The following PPP2R3A variants were observed in gnomAD, a reference collection of about 807,000 sequenced individuals.
PPP2R3A encodes the protein protein phosphatase 2 regulatory subunit B''alpha.
Under a neutral mutation model 106.9 loss-of-function variants are expected in PPP2R3A, and 80 were observed. The ratio of observed to expected loss-of-function variants is 0.75; its 90% CI spans 0.62 to 0.90. The LOEUF is 0.90. Among genes scored for constraint, PPP2R3A ranks in the 40% least tolerant of loss-of-function variants. The pLI is 0.00. For missense variants in PPP2R3A, 1,386 were observed against 1,350.4 expected, an observed-to-expected ratio of 1.03 and a Z score of -0.41; for synonymous variants, 483 against 468.3, an observed-to-expected ratio of 1.03 and a Z score of -0.41.
intron 3 of PPP2R3A, among the ~76,000 whole-genome samples, chr3:136,029,652 A>G (rs1358975291): frequency 2.0e-5 from 3 of 152,244 alleles, no homozygotes; most frequent in African/African-American, 7.2e-5. Flanking sequence ...AAGTTTAAAA[A>G]GATAGAAAAC....
chr3:136,030,417 A>G (rs750671438), intron 3 of PPP2R3A, among the ~76,000 whole-genome samples: 12 of 151,322 alleles, frequency 7.9e-5, no homozygotes, highest in East Asian at 1.9e-4. Context: ...TTTTATTTCC[A>G]TGGTTTGTTG....
chr3:136,009,684 G>A (rs1444603718), intron 2 of PPP2R3A, among the ~76,000 whole-genome samples: 1 of 152,058 alleles, frequency 6.6e-6, no homozygotes, highest in South Asian at 2.1e-4. Context: ...GAAACTCTGG[G>A]GGTAGGGCTC....
At chr3:136,083,008 C>T (rs1936828348) in intron 8 of PPP2R3A, among the ~76,000 whole-genome samples, 1 of 152,126 alleles carries the variant, frequency 6.6e-6, no homozygotes, top group Admixed American at 6.6e-5. Context: ...CTGTTGCCTA[C>T]TGATTTAATA....
At position 136,070,478 on chromosome 3, in the gene PPP2R3A, G is replaced by T; in HGVS notation, c.2470G>T (p.Asp824Tyr). 2 of 1,595,230 alleles carry T rather than the reference G, an allele frequency of 1.3e-6. No homozygotes were observed. The highest frequency in any genetic ancestry group is 1.8e-5 in the Admixed American group (1 of 55,336). Residue 824 changes from aspartate (D) to tyrosine (Y), a missense_variant and splice_region_variant, in exon 6 of 14, where the codon GAT becomes TAT. By Grantham distance (160) the Asp-to-Tyr change is radical. Coordinates refer to ENST00000264977, the MANE Select transcript of PPP2R3A (RefSeq NM_002718.5). ...TAGTTTTGGTTTTGATCTTTTTCAG[G>T]ATGTGGTGGATACCCACCCTGGTCT... is the stretch of plus-strand genomic sequence containing the variant. ...EQEDFIPLLQ[D>Y]VVDTHPGLTF...
At position 136,030,761 on chromosome 3, in the gene PPP2R3A, CATATAT is replaced by C. The variant is rs374923726; in HGVS notation, c.2262+3678_2262+3683del. On this transcript the variant is annotated intron_variant, in intron 3 of 13. Coordinates refer to ENST00000264977, the MANE Select transcript of PPP2R3A (RefSeq NM_002718.5). ...TTTATGGCTGAGTAGTATTCCATCA[CATATAT>C]ATATATATATATATGTATGTATGTA... Among the ~76,000 whole-genome samples the C allele has an allele frequency of 8.2e-4, 82 of 100,382 alleles. No homozygotes were observed. The Middle Eastern group carries it at 0.014, about 17-fold the overall frequency. The allele number at this position is 100,382 out of a possible 152,430, so 65.9% of individuals were successfully genotyped here.
rs921637118 is a variant in PPP2R3A, at chr3:136,001,083, T to G, written c.-416T>G. On this transcript the variant is annotated 5_prime_UTR_variant, in exon 2 of 14. It removes an upstream start codon present in the reference 5' UTR. Coordinates refer to ENST00000264977, the MANE Select transcript of PPP2R3A (RefSeq NM_002718.5). ...GGTTTCTCTGTCATTCACAGAAAAA[T>G]GAATCATTTAAACCTTTGGAGGACT... 10 of 397,872 alleles carry G rather than the reference T, an allele frequency of 2.5e-5. No homozygotes were observed. Among genetic ancestry groups the G allele is most frequent in the Admixed American group, 2.2e-4 (5 of 22,696 alleles). The allele number at this position is 397,872 out of a possible 1,614,324, so 24.6% of individuals were successfully genotyped here.
intron 13 of PPP2R3A, among the ~76,000 whole-genome samples, chr3:136,107,083 T>C (rs184804284): frequency 6.6e-6 from 1 of 152,208 alleles, no homozygotes; most frequent in East Asian, 1.9e-4. Flanking sequence ...AAAGGGACCA[T>C]GTTAAGAAAT....
chr3:136,090,696 A>G lies in PPP2R3A; in HGVS notation c.2927+29A>G, dbSNP rs77165848. On this transcript the variant is annotated intron_variant, in intron 10 of 13. Coordinates refer to ENST00000264977, the MANE Select transcript of PPP2R3A (RefSeq NM_002718.5). Reference sequence around the variant, plus strand: ...TGATTTCTAAGTTTCCTTTGCCAAGATGTTAAACACATGCACAAAGCTTGA... The same window carrying G: ...TGATTTCTAAGTTTCCTTTGCCAAGGTGTTAAACACATGCACAAAGCTTGA... 260 of 1,565,262 alleles carry G rather than the reference A, an allele frequency of 1.7e-4. No homozygotes were observed. In the African/African-American group the frequency reaches 3.0e-3, roughly 18 times the overall value.
chr3:136,115,289 G>A (rs2107990261), intron 13 of PPP2R3A, among the ~76,000 whole-genome samples: 1 of 152,272 alleles, frequency 6.6e-6, no homozygotes, highest in East Asian at 1.9e-4. Flanking sequence ...CAAAGATGGG[G>A]AGAAACTAGT....
chr3:136,131,876 G>A (rs1297615499), intron 13 of PPP2R3A, among the ~76,000 whole-genome samples: 2 of 152,094 alleles, frequency 1.3e-5, no homozygotes, highest in Admixed American at 6.6e-5. Flanking sequence ...CATGGATGAA[G>A]CCGAAAACCA....
chr3:135,989,364 A>G (rs1027815516), intron 1 of PPP2R3A, among the ~76,000 whole-genome samples: 22 of 152,300 alleles, frequency 1.4e-4, no homozygotes, highest in Admixed American at 1.4e-3. Flanking sequence ...GTGAATGATC[A>G]TTAGAATGAG....
chr3:136,117,422 C>T lies in PPP2R3A; in HGVS notation c.3329+11100C>T, dbSNP rs531929907. The stretch of plus-strand genomic sequence containing the variant: ...AGAGATAGAGACATGAAAAGCCCTT[C>T]GAAAAATCAATGAATCCAGGAGCTG... On this transcript the variant is annotated intron_variant, in intron 13 of 13. Coordinates refer to ENST00000264977, the MANE Select transcript of PPP2R3A (RefSeq NM_002718.5). 3.3e-5 allele frequency among the ~76,000 whole-genome samples: 5 copies of T among 151,998 alleles called. No individual in the cohort carries two copies. The East Asian group carries it at 5.8e-4, about 18-fold the overall frequency.
chr3:136,040,849 C>G lies in PPP2R3A; in HGVS notation c.2263-10C>G. The G allele has an allele frequency of 6.2e-7, 1 of 1,607,708 alleles. No homozygotes were observed. ...TGTTGGCTTACCCTGTATGTGTTTT[C>G]TATTTGCAGGTCTGTGGCTGTCCTC... On this transcript the variant is annotated splice_polypyrimidine_tract_variant and intron_variant, in intron 3 of 13. Coordinates refer to ENST00000264977, the MANE Select transcript of PPP2R3A (RefSeq NM_002718.5).
At chr3:136,055,304 G>T in intron 5 of PPP2R3A, 1 of 896,418 alleles carries the variant, frequency 1.1e-6, no homozygotes, top group Non-Finnish European at 1.9e-6. Context: ...GTTGGTGAAA[G>T]GAATCAACAT....
At chr3:135,982,193 C>G (rs1224593664) in intron 1 of PPP2R3A, among the ~76,000 whole-genome samples, 2 of 151,792 alleles carry the variant, frequency 1.3e-5, no homozygotes, top group East Asian at 1.9e-4. Context: ...GGCAGTTGGC[C>G]ATTCCACTTT....
intron 13 of PPP2R3A, among the ~76,000 whole-genome samples, chr3:136,123,020 A>G (rs1189687912): frequency 6.6e-6 from 1 of 152,220 alleles, no homozygotes. Context: ...TTTAATGGAT[A>G]AAGGGTTTTA....
Position 136,145,213 on chromosome 3 carries a change from TTTC to T in PPP2R3A, c.*50_*52del. 1 of 1,568,810 alleles carries T rather than the reference TTTC, an allele frequency of 6.4e-7. No individual in the cohort carries two copies. Among genetic ancestry groups the T allele is most frequent in the Middle Eastern group, 1.7e-4 (1 of 5,806 alleles). ...CGAAGATGTGTATTTTAAATGTTTCTTTCTTGTGAAGAGATGTTCTCGTTTGCA... is the reference window on the plus strand; with the variant it reads ...CGAAGATGTGTATTTTAAATGTTTCTTTGTGAAGAGATGTTCTCGTTTGCA... On this transcript the variant is annotated 3_prime_UTR_variant, in exon 14 of 14. Transcript: ENST00000264977.
intron 4 of PPP2R3A, among the ~76,000 whole-genome samples, chr3:136,045,703 C>G (rs1263945118): frequency 2.0e-5 from 3 of 152,176 alleles, no homozygotes; most frequent in Admixed American, 6.5e-5. Context: ...TCACCCTACC[C>G]AGGGATCCCT....
chr3:136,145,090 G>C lies in PPP2R3A; in HGVS notation c.3377G>C (p.Gly1126Ala), dbSNP rs377559140. The change falls in exon 14 of 14, where the codon GGA becomes GCA. Residue 1126 changes from glycine (G) to alanine (A), a missense_variant. By Grantham distance (60) the Gly-to-Ala change is moderately conservative. Transcript: ENST00000264977. ...TDEPASPSEF[G>A]NKSNKILSAS... is the part of the protein sequence containing the mutation. The stretch of plus-strand genomic sequence containing the variant: ...GAACCTGCCTCTCCCTCTGAATTTG[G>C]AAACAAAAGCAATAAAATATTAAGT... The C allele has an allele frequency of 6.2e-7, 1 of 1,613,514 alleles. No homozygotes were observed. The highest frequency in any genetic ancestry group is 1.3e-5 in the African/African-American group (1 of 74,902).
Sources: gnomAD v4.1 joint callset for allele counts (sites outside exome capture counted in the v4.1 genomes callset) on GRCh38, gnomAD v4.1.1 for gene constraint, MANE v1.5 for transcripts, NCBI Gene and HGNC (gene_info 2026-07-23, HGNC 2026-07-21) for gene names.